Variants in C16orf74 observed in about 807,000 individuals in gnomAD.
C16orf74 encodes calcimembrin, also known as uncharacterized protein C16orf74.
In C16orf74, 10 loss-of-function variants were observed where a neutral mutation model predicts 6.5. The observed-to-expected ratio is 1.54, with a 90% CI of 0.95 to 2.61. C16orf74 has a LOEUF of 2.61. C16orf74 is among the 30% of genes most tolerant of loss of function. C16orf74 has a pLI of 0.00. For synonymous variants in C16orf74, 60 were observed against 42.5 expected (o/e 1.41, Z -1.60); for missense variants, 141 against 105.9 (o/e 1.33, Z -1.45).
intron 2 of C16orf74, among the ~76,000 whole-genome samples, chr16:85,714,670 G>A (rs1320830524): frequency 2.0e-5 from 3 of 151,086 alleles, no homozygotes; most frequent in Non-Finnish European, 3.0e-5. Flanking sequence ...CACCCGCCTT[G>A]GCCTCCCAAA....
At chr16:85,717,419 G>T (rs1315751891) in intron 2 of C16orf74, among the ~76,000 whole-genome samples, 1 of 152,338 alleles carries the variant, frequency 6.6e-6, no homozygotes, top group East Asian at 1.9e-4. Flanking sequence ...GAACCCCTGA[G>T]CTAGGGCCAC....
chr16:85,748,095 T>C (rs577744839), intron 1 of C16orf74, among the ~76,000 whole-genome samples: 15 of 65,478 alleles, frequency 2.3e-4, no homozygotes, highest in African/African-American at 4.3e-4. Flanking sequence ...CAAAAAAATA[T>C]ATATATATAT....
intron 2 of C16orf74, among the ~76,000 whole-genome samples, chr16:85,721,375 T>C (rs1055631338): frequency 1.1e-4 from 16 of 152,210 alleles, no homozygotes; most frequent in Admixed American, 7.9e-4. Flanking sequence ...CCCTGGCCTC[T>C]AGACCCTGTA....
At chr16:85,739,460 A>G (rs1318836326) in intron 1 of C16orf74, among the ~76,000 whole-genome samples, 1 of 152,192 alleles carries the variant, frequency 6.6e-6, no homozygotes, top group Non-Finnish European at 1.5e-5. Flanking sequence ...TTTGCTGTAA[A>G]ATACTTCAGT....
intron 2 of C16orf74, among the ~76,000 whole-genome samples, chr16:85,727,964 CAAAAAAAA>C (rs59377902): frequency 5.3e-5 from 4 of 75,794 alleles, no homozygotes; most frequent in African/African-American, 1.0e-4. Context: ...CCCTTCTCTA[CAAAAAAAA>C]AAAAAAAAAA....
chr16:85,741,951 G>A (rs867442328), intron 1 of C16orf74, among the ~76,000 whole-genome samples: 2 of 152,308 alleles, frequency 1.3e-5, no homozygotes, highest in African/African-American at 4.8e-5. Flanking sequence ...ATTTGATTCA[G>A]AACACTGGGC....
At position 85,746,051 on chromosome 16, in the gene C16orf74, T is replaced by G. The variant is rs1230249127; in HGVS notation, c.-19+4875A>C. The stretch of plus-strand genomic sequence containing the variant: ...AAAACTATTCATTGTTTATCTGCAG[T>G]TAAACTTAGCTGGGGCTGGGTGCGG... On this transcript the variant is annotated intron_variant, in intron 1 of 3. Coordinates refer to ENST00000284245, the MANE Select transcript of C16orf74 (RefSeq NM_206967.3). 2.0e-5 allele frequency among the ~76,000 whole-genome samples: 3 copies of G among 152,144 alleles called. No homozygotes were observed. In the South Asian group the frequency reaches 6.2e-4, roughly 32 times the overall value.
chr16:85,743,055 G>A (rs570707235), intron 1 of C16orf74, among the ~76,000 whole-genome samples: 1 of 152,312 alleles, frequency 6.6e-6, no homozygotes, highest in East Asian at 1.9e-4. Context: ...CAATTCCACA[G>A]TGTGGCCTGT....
At chr16:85,728,757 C>T (rs775499428) in intron 2 of C16orf74, among the ~76,000 whole-genome samples, 11 of 152,206 alleles carry the variant, frequency 7.2e-5, no homozygotes, top group Non-Finnish European at 1.3e-4. Flanking sequence ...TCCCAGTCAC[C>T]ACTCCATTTT....
chr16:85,732,959 G>T (rs546806369), intron 2 of C16orf74, among the ~76,000 whole-genome samples: 16 of 152,276 alleles, frequency 1.1e-4, no homozygotes, highest in African/African-American at 3.6e-4. Flanking sequence ...GCTTTCACTC[G>T]TGAGGGGCCG....
chr16:85,722,458 G>C (rs2054092345), intron 2 of C16orf74, among the ~76,000 whole-genome samples: 1 of 152,186 alleles, frequency 6.6e-6, no homozygotes, highest in African/African-American at 2.4e-5. Context: ...CTGAAGGCTG[G>C]GCTGGATTTG....
intron 1 of C16orf74, among the ~76,000 whole-genome samples, chr16:85,740,848 A>C (rs956428263): frequency 6.7e-6 from 1 of 149,532 alleles, no homozygotes; most frequent in Non-Finnish European, 1.5e-5. Context: ...AAAAAAAAAG[A>C]AAGAAAATAT....
At chr16:85,750,737 C>T (rs1220388702) in intron 1 of C16orf74, among the ~76,000 whole-genome samples, 189 bp downstream of exon 1, 5 of 152,190 alleles carry the variant, frequency 3.3e-5, no homozygotes, top group Admixed American at 1.3e-4. Flanking sequence ...GCCCGTGTCT[C>T]CGCAGCAAAG....
At chr16:85,748,703 T>C (rs187064618) in intron 1 of C16orf74, among the ~76,000 whole-genome samples, 3 of 152,180 alleles carry the variant, frequency 2.0e-5, no homozygotes, top group Non-Finnish European at 2.9e-5. Context: ...AGAGAACAGA[T>C]TGTACATGTT....
intron 2 of C16orf74, among the ~76,000 whole-genome samples, chr16:85,729,011 T>C (rs1202196998): frequency 1.3e-5 from 2 of 152,158 alleles, no homozygotes; most frequent in African/African-American, 4.8e-5. Context: ...GTGATGCCTA[T>C]ACAGAAGGTC....
chr16:85,733,545 G>C (rs886104821), intron 2 of C16orf74, among the ~76,000 whole-genome samples: 1 of 152,184 alleles, frequency 6.6e-6, no homozygotes, highest in East Asian at 1.9e-4. Context: ...AAAACGGTAA[G>C]TTTATGTGAT....
intron 2 of C16orf74, among the ~76,000 whole-genome samples, chr16:85,729,071 G>C (rs2054162314): frequency 6.6e-6 from 1 of 152,144 alleles, no homozygotes; most frequent in African/African-American, 2.4e-5. Flanking sequence ...TTCCTTGGCT[G>C]TGCCGCCCTG....
intron 1 of C16orf74, among the ~76,000 whole-genome samples, chr16:85,748,069 G>C (rs569218476): frequency 3.4e-5 from 4 of 117,140 alleles, no homozygotes; most frequent in African/African-American, 1.1e-4. Context: ...CTGGGTGACA[G>C]AGCGAGACTC....
intron 2 of C16orf74, among the ~76,000 whole-genome samples, chr16:85,720,799 G>T (rs1392624542): frequency 2.0e-5 from 3 of 151,224 alleles, no homozygotes; most frequent in African/African-American, 7.3e-5. Context: ...AAAGCGGTTG[G>T]GGGTGGCGCT....
Sources: allele counts gnomAD v4.1 joint callset (sites outside exome capture counted in the v4.1 genomes callset), GRCh38; gene constraint gnomAD v4.1.1; transcripts MANE v1.5; gene names NCBI Gene and HGNC (gene_info 2026-07-23, HGNC 2026-07-21).